The following BSN variants were observed in gnomAD, a reference collection of about 807,000 sequenced individuals.
The protein encoded by BSN is protein bassoon.
A neutral mutation model predicts 264.8 loss-of-function variants in BSN; 57 were observed. The observed-to-expected ratio is 0.22, with a 90% CI of 0.17 to 0.27. The LOEUF is 0.27. Among genes scored for constraint, BSN ranks in the 10% least tolerant of loss-of-function variants. The pLI, the probability that BSN is intolerant of heterozygous loss-of-function variation, is 1.00. For missense variants in BSN, 4,615 were observed against 5,232.5 expected (o/e 0.88, Z 3.64); for synonymous variants, 2,059 against 2,137.3 (o/e 0.96, Z 1.01).
rs1291591004 is a variant in BSN at position 49,657,345 on chromosome 3, C to G, written c.7789C>G (p.Leu2597Val). ...TDDEDGESRY[L>V]LSRRRRARRS... ...CGATGAGGATGGGGAGAGCCGCTAC[C>G]TCTTGAGTCGGCGACGCCGGGCACG... Residue 2597 changes from leucine (L) to valine (V), a missense_variant, in exon 5 of 12, where the codon CTC becomes GTC. Leu to Val is a conservative substitution (Grantham distance 32, BLOSUM62 1). This residue lies in a region of BSN where 3,415 missense variants were observed against 3,866.4 expected (regional missense o/e 0.88). Transcript: ENST00000296452. 6.2e-7 allele frequency: 1 copy of G among 1,613,264 alleles called. No individual in the cohort carries two copies. Among genetic ancestry groups the G allele is most frequent in the East Asian group, 2.2e-5 (1 of 44,880 alleles).
intron 5 of BSN, among the ~76,000 whole-genome samples, chr3:49,659,598 T>C (rs1309764038): frequency 3.3e-5 from 5 of 152,106 alleles, no homozygotes; most frequent in Non-Finnish European, 7.4e-5. Flanking sequence ...TGGGGCATTC[T>C]GGGAAGGCTA....
At chr3:49,664,029 C>A in intron 8 of BSN, 143 bp downstream of exon 8, 1 of 800,200 alleles carries the variant, frequency 1.2e-6, no homozygotes, top group Non-Finnish European at 2.0e-6. Flanking sequence ...TAGACCTCCC[C>A]AGCAGAAAAC....
chr3:49,669,859 G>A lies in BSN; in HGVS notation c.*2374G>A, dbSNP rs1023300877. The A allele has an allele frequency of 6.6e-6, 1 of 152,654 alleles. No homozygotes were observed. The highest frequency in any genetic ancestry group is 2.4e-5 in the African/African-American group (1 of 41,466). 9.5% of individuals were successfully genotyped at this position (152,654 alleles called of 1,614,324 possible). On this transcript the variant is annotated 3_prime_UTR_variant, in exon 12 of 12. Transcript: ENST00000296452. ...GCTCACCCCCTTCTCCAAAGCCCAA[G>A]CGTCCCGCTGCTCATCAGCTTTTTT...
intron 2 of BSN, among the ~76,000 whole-genome samples, chr3:49,639,261 T>C (rs2052443154): frequency 6.7e-6 from 1 of 149,626 alleles, no homozygotes; most frequent in Non-Finnish European, 1.5e-5. Context: ...TGCAGTGGCA[T>C]GATCTCGGCT....
chr3:49,558,534 C>G (rs1190806912), intron 1 of BSN, among the ~76,000 whole-genome samples: 2 of 152,230 alleles, frequency 1.3e-5, no homozygotes, highest in African/African-American at 4.8e-5. Context: ...CATAGTATCT[C>G]TGGTCTGGGA....
At position 49,655,080 on chromosome 3, in the gene BSN, C is replaced by T. The variant is rs267599871; in HGVS notation, c.5524C>T (p.His1842Tyr). Reference protein sequence around the residue: ...GPVPEPGAEPHRATPAELRSH... With the variant: ...GPVPEPGAEPYRATPAELRSH... Reference sequence around the variant, plus strand: ...AGTGCCAGAGCCAGGTGCCGAGCCCCACCGGGCCACCCCTGCAGAGCTGCG... The same window carrying T: ...AGTGCCAGAGCCAGGTGCCGAGCCCTACCGGGCCACCCCTGCAGAGCTGCG... Residue 1842 changes from histidine (H) to tyrosine (Y), a missense_variant, in exon 5 of 12, where the codon CAC becomes TAC. Physicochemically the swap from His to Tyr is moderately conservative, Grantham distance 83. This residue lies in a region of BSN where 3,415 missense variants were observed against 3,866.4 expected (regional missense o/e 0.88). Transcript: ENST00000296452. The T allele has an allele frequency of 1.2e-6, 2 of 1,612,862 alleles. No homozygotes were observed. The highest frequency in any genetic ancestry group is 2.2e-5 in the South Asian group (2 of 91,082).
chr3:49,661,611 C>A lies in BSN; in HGVS notation c.9766C>A (p.Pro3256Thr), dbSNP rs1401916059. The change falls in exon 6 of 12, where the codon CCC becomes ACC. Residue 3256 changes from proline (P) to threonine (T), a missense_variant. Transcript: ENST00000296452. ...TGCTCCTGATAGCCAACGGCTGGAG[C>A]CCCTGGGGCCAGGCAGCAGTGGGCG... ...STAPDSQRLE[P>T]LGPGSSGRPG... 6.2e-7 allele frequency: 1 copy of A among 1,613,632 alleles called. No homozygotes were observed. The highest frequency in any genetic ancestry group is 1.1e-5 in the South Asian group (1 of 91,092).
rs2052578135 is a variant in BSN at position 49,654,579 on chromosome 3, A to T, written c.5023A>T (p.Thr1675Ser). 1.2e-6 allele frequency: 2 copies of T among 1,611,464 alleles called. No homozygotes were observed. The highest frequency in any genetic ancestry group is 4.5e-5 in the East Asian group (2 of 44,820). Residue 1675 changes from threonine (T) to serine (S), a missense_variant, in exon 5 of 12, where the codon ACT (threonine) becomes TCT (serine). Around this residue, in one of 3 missense-constraint regions of BSN, gnomAD observed 3,415 missense variants for 3,866.4 expected, o/e 0.88. Coordinates refer to ENST00000296452, the MANE Select transcript of BSN (RefSeq NM_003458.4). The surrounding 1 kb of genome is among the most constrained non-coding windows in gnomAD (Gnocchi z 4.1). ...AGACCTCCGTACAGCTGTCAAGCCC[A>T]CTCCCATCATCCTCACTGACCAGGG... is the stretch of plus-strand genomic sequence containing the variant. Reference protein sequence around the residue: ...VVDLRTAVKPTPIILTDQGMD... With the variant: ...VVDLRTAVKPSPIILTDQGMD...
intron 3 of BSN, among the ~76,000 whole-genome samples, chr3:49,649,340 A>G (rs2052521937): frequency 6.6e-6 from 1 of 152,214 alleles, no homozygotes; most frequent in Non-Finnish European, 1.5e-5. Context: ...CTGTATGTCC[A>G]GGCACCTGGG....
rs200211104 is a variant in BSN at position 49,642,496 on chromosome 3, C to G, written c.862C>G (p.Pro288Ala). 408 of 1,568,656 alleles carry G rather than the reference C, an allele frequency of 2.6e-4. 1 individual carries two copies. Among genetic ancestry groups the G allele is most frequent in the Non-Finnish European group, 2.8e-4 (328 of 1,158,194 alleles). Reference sequence around the variant, plus strand: ...TGAGACAGCCAGGGCCACCTCAGTGCCGGGGCCTGCCCAAGCAGCTGCCCC... The same window carrying G: ...TGAGACAGCCAGGGCCACCTCAGTGGCGGGGCCTGCCCAAGCAGCTGCCCC... ...QAETARATSV[P>A]GPAQAAAPPE... The change falls in exon 3 of 12, where the codon CCG becomes GCG. Residue 288 changes from proline (P) to alanine (A), a missense_variant. By Grantham distance (27) the Pro-to-Ala change is conservative. Transcript: ENST00000296452. The surrounding 1 kb of genome is among the most constrained non-coding windows in gnomAD (Gnocchi z 7.0).
intron 1 of BSN, among the ~76,000 whole-genome samples, chr3:49,559,890 A>C (rs1464263439): frequency 2.0e-5 from 3 of 152,184 alleles, no homozygotes; most frequent in Non-Finnish European, 2.9e-5. Context: ...GAGTTTATTG[A>C]AGGCTTCAGA....
chr3:49,598,182 C>T (rs555078555), intron 1 of BSN, among the ~76,000 whole-genome samples: 7 of 152,322 alleles, frequency 4.6e-5, no homozygotes, highest in African/African-American at 1.7e-4. Context: ...ATGGGTTACA[C>T]TTTCCTGTTG....
chr3:49,624,861 G>A (rs2052330620), intron 1 of BSN, 114 bp from the exon 2 acceptor site: 1 of 973,414 alleles, frequency 1.0e-6, no homozygotes, highest in African/African-American at 1.7e-5. Flanking sequence ...ATTCTTCTGG[G>A]CAGGAGGAAG....
rs2052539838 is a variant in BSN, at chr3:49,651,358, G to C, written c.1987-185G>C. The C allele has an allele frequency of 2.9e-6, 2 of 701,132 alleles. No homozygotes were observed. The highest frequency in any genetic ancestry group is 3.2e-5 in the Admixed American group (1 of 30,884). 43.4% of individuals were successfully genotyped at this position (701,132 alleles called of 1,614,324 possible). A position where few individuals can be genotyped will look rare whatever the true frequency, so the allele number is the denominator to read the frequency against. Reference sequence around the variant, plus strand: ...GTTTCTCTTTGAAGACCAAGGGCTGGTTTGGGCTTGCCATGGAACCTTCAG... The same window carrying C: ...GTTTCTCTTTGAAGACCAAGGGCTGCTTTGGGCTTGCCATGGAACCTTCAG... On this transcript the variant is annotated intron_variant, in intron 4 of 11. Transcript: ENST00000296452. The surrounding 1 kb of genome is among the most constrained non-coding windows in gnomAD (Gnocchi z 5.4).
rs778494645 is a variant in BSN, at chr3:49,651,127, TCTATGGAAAGG to T, written c.1986+51_1986+61del. The T allele has an allele frequency of 2.8e-5, 43 of 1,553,038 alleles. No homozygotes were observed. Among genetic ancestry groups the T allele is most frequent in the Middle Eastern group, 1.8e-4 (1 of 5,468 alleles). ...AGACCCTAGCTTTCAGACAGGACAG[TCTATGGAAAGG>T]CTTGCCTCCCTGGGTGGCTGAGGCT... On this transcript the variant is annotated intron_variant, in intron 4 of 11. Coordinates refer to ENST00000296452, the MANE Select transcript of BSN (RefSeq NM_003458.4). The surrounding 1 kb of genome is among the most constrained non-coding windows in gnomAD (Gnocchi z 5.4).
chr3:49,575,446 G>GTGTGTATATATGTAAATATATATA (rs2051837059), intron 1 of BSN, among the ~76,000 whole-genome samples: 1 of 146,824 alleles, frequency 6.8e-6, no homozygotes, highest in Non-Finnish European at 1.5e-5. Flanking sequence ...AAATATATAT[G>GTGTGTATATATGTAAATATATATA]TGTGTATATA....
chr3:49,658,233 G>T, intron 5 of BSN, 37 bp downstream of exon 5: 2 of 1,499,920 alleles, frequency 1.3e-6, no homozygotes, highest in South Asian at 1.4e-5. Flanking sequence ...TGGGACAGGG[G>T]TCTCTGCCTA....
intron 1 of BSN, among the ~76,000 whole-genome samples, chr3:49,590,137 A>G (rs966830886): frequency 7.2e-5 from 11 of 152,104 alleles, no homozygotes; most frequent in South Asian, 2.1e-4. Flanking sequence ...CGCCCCGCCA[A>G]ATCTTCATTT....
rs556350142 is a variant in BSN, at chr3:49,593,166, G to A, written c.225-31809G>A. 3.9e-5 allele frequency among the ~76,000 whole-genome samples: 6 copies of A among 152,250 alleles called. No homozygotes were observed. The South Asian group carries it at 1.2e-3, about 32-fold the overall frequency. ...GAATAATACAATGTGTAACCTTTTG[G>A]GGTTGGCTTTTTTCACTCAGTGTAA... On this transcript the variant is annotated intron_variant, in intron 1 of 11. Transcript: ENST00000296452.
Sources: gnomAD v4.1 joint callset for allele counts (sites outside exome capture counted in the v4.1 genomes callset) on GRCh38, gnomAD v4.1.1 for gene constraint, gnomAD v4.1.1 regional missense constraint, Gnocchi (gnomAD v3.1) non-coding constraint, MANE v1.5 for transcripts, NCBI Gene and HGNC (gene_info 2026-07-23, HGNC 2026-07-21) for gene names.